IMMP2L: variants seen among roughly 807,000 people sequenced by gnomAD.
IMMP2L encodes the protein inner mitochondrial membrane peptidase subunit 2, also known as mitochondrial inner membrane protease subunit 2.
A neutral mutation model predicts 19.3 loss-of-function variants in IMMP2L; 18 were observed. The observed-to-expected ratio is 0.93, with a 90% CI of 0.64 to 1.38. IMMP2L has a LOEUF of 1.38. Ranked by LOEUF, IMMP2L falls within the 40% of genes most tolerant of loss-of-function variation. The pLI is 0.00. For synonymous variants in IMMP2L, 76 were observed against 73.0 expected (o/e 1.04, Z -0.21); for missense variants, 233 against 218.2 (o/e 1.07, Z -0.43).
intron 1 of IMMP2L, among the ~76,000 whole-genome samples, chr7:111,561,583 A>G (rs1228926570): frequency 6.6e-6 from 1 of 152,106 alleles, no homozygotes; most frequent in African/African-American, 2.4e-5. Flanking sequence ...AAAAACAGGT[A>G]AAGGGGAAGT....
At chr7:110,702,024 G>A (rs530394409) in intron 5 of IMMP2L, among the ~76,000 whole-genome samples, 1 of 152,008 alleles carries the variant, frequency 6.6e-6, no homozygotes, top group South Asian at 2.1e-4. Context: ...CGACCTCCCA[G>A]GCTCAAGCAA....
chr7:111,514,465 A>G (rs1036472598), intron 2 of IMMP2L, among the ~76,000 whole-genome samples: 4 of 152,076 alleles, frequency 2.6e-5, no homozygotes, highest in African/African-American at 9.7e-5. Flanking sequence ...ACATGTATAC[A>G]TATGTAACAA....
intron 3 of IMMP2L, among the ~76,000 whole-genome samples, chr7:111,411,135 C>T (rs925709231): frequency 1.4e-5 from 2 of 141,190 alleles, no homozygotes; most frequent in African/African-American, 5.3e-5. Flanking sequence ...CTTAAAAGTA[C>T]CCAGAAAAAA....
intron 3 of IMMP2L, among the ~76,000 whole-genome samples, chr7:111,273,098 T>G (rs1480508446): frequency 6.6e-6 from 1 of 151,954 alleles, no homozygotes; most frequent in Non-Finnish European, 1.5e-5. Flanking sequence ...GCCAACATGG[T>G]GAAACCCCAT....
chr7:111,120,882 T>TG (rs1166333963), intron 3 of IMMP2L, among the ~76,000 whole-genome samples: 1 of 152,064 alleles, frequency 6.6e-6, no homozygotes, highest in Non-Finnish European at 1.5e-5. Flanking sequence ...CTCATTTGGT[T>TG]GTAAGTGAAC....
chr7:111,446,135 C>T (rs1333194716), intron 3 of IMMP2L, among the ~76,000 whole-genome samples: 6 of 150,176 alleles, frequency 4.0e-5, no homozygotes, highest in African/African-American at 1.2e-4. Flanking sequence ...GGGGGAGGGG[C>T]GCCCGCCATT....
At chr7:111,427,518 T>C (rs1296385356) in intron 3 of IMMP2L, among the ~76,000 whole-genome samples, 1 of 151,836 alleles carries the variant, frequency 6.6e-6, no homozygotes, top group Non-Finnish European at 1.5e-5. Context: ...ACTGTCACTA[T>C]TTAACAGAAA....
intron 2 of IMMP2L, among the ~76,000 whole-genome samples, chr7:111,489,585 G>C (rs1842931334): frequency 6.6e-6 from 1 of 152,146 alleles, no homozygotes; most frequent in Admixed American, 6.6e-5. Flanking sequence ...CGTGCCTTTT[G>C]TTAAAGATTC....
At chr7:111,478,859 A>C (rs943570988) in intron 3 of IMMP2L, among the ~76,000 whole-genome samples, 1 of 152,178 alleles carries the variant, frequency 6.6e-6, no homozygotes, top group Non-Finnish European at 1.5e-5. Context: ...ATTTTTTATT[A>C]AATGCCAAGT....
At chr7:110,812,285 T>C (rs1430899129) in intron 5 of IMMP2L, among the ~76,000 whole-genome samples, 2 of 152,042 alleles carry the variant, frequency 1.3e-5, no homozygotes, top group African/African-American at 4.8e-5. Context: ...GGATGTCCTA[T>C]ACCATAGCAG....
At chr7:111,163,850 CTATA>C (rs1407900342) in intron 3 of IMMP2L, among the ~76,000 whole-genome samples, 2 of 151,910 alleles carry the variant, frequency 1.3e-5, no homozygotes, top group Non-Finnish European at 2.9e-5. Context: ...CTCAGCTTTG[CTATA>C]TCTCAGGGGA....
chr7:110,867,915 T>C (rs1477282558), intron 5 of IMMP2L, among the ~76,000 whole-genome samples: 2 of 152,014 alleles, frequency 1.3e-5, no homozygotes, highest in Non-Finnish European at 2.9e-5. Flanking sequence ...TCTCGGCCTC[T>C]CCATGCACTG....
chr7:110,961,152 C>G (rs1004623892), intron 4 of IMMP2L, among the ~76,000 whole-genome samples: 4 of 151,844 alleles, frequency 2.6e-5, no homozygotes, highest in Non-Finnish European at 5.9e-5. Context: ...TAAACATGAA[C>G]CTACCATAAC....
intron 5 of IMMP2L, among the ~76,000 whole-genome samples, chr7:110,678,335 T>A (rs1792470698): frequency 6.6e-6 from 1 of 152,142 alleles, no homozygotes; most frequent in Admixed American, 6.6e-5. Flanking sequence ...TAGACATAGT[T>A]TAAATATGCT....
chr7:110,751,946 C>T (rs534335284), intron 5 of IMMP2L, among the ~76,000 whole-genome samples: 216 of 152,046 alleles, frequency 1.4e-3, no homozygotes, highest in African/African-American at 5.0e-3. Flanking sequence ...ATTCTCATCC[C>T]AATTGGCGGG....
intron 3 of IMMP2L, among the ~76,000 whole-genome samples, chr7:111,135,167 A>T (rs1802214333): frequency 6.6e-6 from 1 of 152,124 alleles, no homozygotes. Context: ...AAACCAGAAG[A>T]TATAAAACAC....
chr7:111,212,154 CT>C (rs1811391142), intron 3 of IMMP2L, among the ~76,000 whole-genome samples: 1 of 151,556 alleles, frequency 6.6e-6, no homozygotes, highest in African/African-American at 2.4e-5. Context: ...CTCTGTCTCT[CT>C]CTCTGTCTCT....
intron 3 of IMMP2L, among the ~76,000 whole-genome samples, chr7:111,103,367 A>C (rs1351188191): frequency 6.6e-6 from 1 of 151,668 alleles, no homozygotes; most frequent in African/African-American, 2.4e-5. Context: ...AATAGTTTTT[A>C]CCAGTTTATA....
intron 5 of IMMP2L, among the ~76,000 whole-genome samples, chr7:110,843,631 G>T (rs1356541372): frequency 6.6e-6 from 1 of 151,678 alleles, no homozygotes; most frequent in Admixed American, 6.6e-5. Context: ...CGGTGAACAG[G>T]ATGGACATTA....
Sources: allele counts gnomAD v4.1 joint callset (sites outside exome capture counted in the v4.1 genomes callset), GRCh38; gene constraint gnomAD v4.1.1; transcripts MANE v1.5; gene names NCBI Gene and HGNC (gene_info 2026-07-23, HGNC 2026-07-21).